KLHL4: variants seen among roughly 807,000 people sequenced by gnomAD.
KLHL4 encodes the protein kelch-like protein 4.
Under a neutral mutation model 45.8 loss-of-function variants are expected in KLHL4, and 17 were observed. The ratio of observed to expected loss-of-function variants is 0.37; its 90% CI spans 0.25 to 0.56. The LOEUF is 0.56. Ranked by LOEUF, KLHL4 falls within the 20% of genes least tolerant of loss-of-function variation. The pLI is 0.79. For synonymous variants in KLHL4, 224 were observed against 189.9 expected, an observed-to-expected ratio of 1.18 and a Z score of -1.47; for missense variants, 544 against 544.9, an observed-to-expected ratio of 1.00 and a Z score of 0.02.
chrX:87,581,081 A>G (rs966093431), intron 1 of KLHL4, among the ~76,000 whole-genome samples: 3 of 112,433 alleles, frequency 2.7e-5, no homozygotes, highest in Non-Finnish European at 5.6e-5. Context: ...TCAGCATGAC[A>G]TGGCTATTTT....
chrX:87,530,356 G>C (rs1000182090), intron 1 of KLHL4, among the ~76,000 whole-genome samples: 8 of 105,403 alleles, frequency 7.6e-5, no homozygotes, highest in African/African-American at 2.1e-4. Flanking sequence ...TACCATGCTG[G>C]TGTGCTGCAC....
At chrX:87,628,147 A>G (rs1383897974) in intron 6 of KLHL4, among the ~76,000 whole-genome samples, 2 of 111,897 alleles carry the variant, frequency 1.8e-5, no homozygotes, top group African/African-American at 3.2e-5. Flanking sequence ...AATCTTTGGC[A>G]TTTTGCAAAC....
intron 9 of KLHL4, among the ~76,000 whole-genome samples, chrX:87,640,567 T>A (rs1923420217): frequency 8.9e-6 from 1 of 111,902 alleles, no homozygotes; most frequent in African/African-American, 3.2e-5. Context: ...ATATGCCTCA[T>A]AAAAATATTT....
In KLHL4 at chrX:87,623,288, C is replaced by CT. The variant is rs67869297; in HGVS notation, c.1137+889dup. ...ATCTGTTGATGATTTTTCCTTTTTT[C>CT]TTTTTTTTTTTTTTTTTTTTTTTTG... On this transcript the variant is annotated intron_variant, in intron 5 of 10. Transcript: ENST00000373119. Among the ~76,000 whole-genome samples, 497 of 50,121 alleles carry CT rather than the reference C, an allele frequency of 9.9e-3. 13 individuals are homozygous for CT. The highest frequency in any genetic ancestry group is 0.014 in the East Asian group (19 of 1,317). The allele number at this position is 50,121 out of a possible 115,157, so 43.5% of individuals were successfully genotyped here. A position where few individuals can be genotyped will look rare whatever the true frequency, so the allele number is the denominator to read the frequency against.
intron 1 of KLHL4, among the ~76,000 whole-genome samples, chrX:87,543,928 A>G (rs746271166): frequency 2.7e-5 from 3 of 111,079 alleles, no homozygotes; most frequent in Non-Finnish European, 5.7e-5. Flanking sequence ...CTCGGGTACT[A>G]CCTCTATGGT....
chrX:87,609,629 T>A (rs1267439259), intron 1 of KLHL4, among the ~76,000 whole-genome samples: 1 of 111,719 alleles, frequency 9.0e-6, no homozygotes, highest in Non-Finnish European at 1.9e-5. Flanking sequence ...TCTTGTAAAT[T>A]TGTTTGAGTT....
At chrX:87,592,046 T>C (rs1390545333) in intron 1 of KLHL4, among the ~76,000 whole-genome samples, 2 of 108,109 alleles carry the variant, frequency 1.8e-5, no homozygotes, top group East Asian at 5.9e-4. Flanking sequence ...ATCATTCTCC[T>C]CTCTACCTTC....
At chrX:87,572,407 GCT>G (rs1398612548) in intron 1 of KLHL4, among the ~76,000 whole-genome samples, 2 of 110,356 alleles carry the variant, frequency 1.8e-5, no homozygotes, top group Non-Finnish European at 3.8e-5. Flanking sequence ...TCTGAAAAGA[GCT>G]CTCTCTCTCT....
chrX:87,554,325 C>T (rs1240999897), intron 1 of KLHL4, among the ~76,000 whole-genome samples: 20 of 92,491 alleles, frequency 2.2e-4, no homozygotes, highest in Non-Finnish European at 2.7e-4. Flanking sequence ...GCCATTTTCA[C>T]GATATTGATT....
chrX:87,560,549 T>A (rs1229770999), intron 1 of KLHL4, among the ~76,000 whole-genome samples: 1 of 111,444 alleles, frequency 9.0e-6, no homozygotes, highest in Admixed American at 9.6e-5. Context: ...GTATAGCAGA[T>A]CTCCGTAACT....
rs187965696 is a variant in KLHL4 at position 87,649,274 on chromosome X, A to C, written c.1925+13499A>C. ...ATTCTAGTTACCTCATAAAAGTGGAATCATAAATAGTTATTATTTTATGAT... is the reference window on the plus strand; with the variant it reads ...ATTCTAGTTACCTCATAAAAGTGGACTCATAAATAGTTATTATTTTATGAT... On this transcript the variant is annotated intron_variant, in intron 9 of 10. Transcript: ENST00000373119. 2.6e-3 allele frequency among the ~76,000 whole-genome samples: 289 copies of C among 111,844 alleles called. 1 individual carries two copies. Among genetic ancestry groups the C allele is most frequent in the African/African-American group, 9.0e-3 (277 of 30,898 alleles).
chrX:87,579,792 G>T (rs1159901959), intron 1 of KLHL4, among the ~76,000 whole-genome samples: 1 of 112,023 alleles, frequency 8.9e-6, no homozygotes, highest in Non-Finnish European at 1.9e-5. Context: ...ACAACTGAAA[G>T]AGTTCATCAC....
At chrX:87,598,657 T>C (rs1921915473) in intron 1 of KLHL4, among the ~76,000 whole-genome samples, 1 of 111,736 alleles carries the variant, frequency 8.9e-6, no homozygotes, top group South Asian at 3.6e-4. Flanking sequence ...ATAAAATCTC[T>C]AGGCATATTG....
chrX:87,541,112 G>A (rs1931541037), intron 1 of KLHL4, among the ~76,000 whole-genome samples: 1 of 110,193 alleles, frequency 9.1e-6, no homozygotes, highest in African/African-American at 3.3e-5. Context: ...CTTGGTGGGA[G>A]GTGATTGGAT....
At chrX:87,659,683 T>C (rs932131969) in intron 9 of KLHL4, among the ~76,000 whole-genome samples, 1 of 112,129 alleles carries the variant, frequency 8.9e-6, no homozygotes, top group Non-Finnish European at 1.9e-5. Context: ...TTTATATTTC[T>C]ACAGGAAGAT....
chrX:87,635,495 T>C, intron 8 of KLHL4, 68 bp from the exon 9 acceptor site: 1 of 818,452 alleles, frequency 1.2e-6, no homozygotes, highest in South Asian at 2.5e-5. Flanking sequence ...TCTCATTCTA[T>C]GCATGCATTT....
At chrX:87,549,752 C>G (rs987020286) in intron 1 of KLHL4, among the ~76,000 whole-genome samples, 1 of 110,858 alleles carries the variant, frequency 9.0e-6, no homozygotes, top group Non-Finnish European at 1.9e-5. Flanking sequence ...ATACTAAAAC[C>G]TCTGGGATAC....
chrX:87,644,971 C>G (rs1284321606), intron 9 of KLHL4, among the ~76,000 whole-genome samples: 1 of 111,612 alleles, frequency 9.0e-6, no homozygotes, highest in Non-Finnish European at 1.9e-5. Flanking sequence ...TGGAAAAACC[C>G]TTCTAGACAT....
intron 1 of KLHL4, among the ~76,000 whole-genome samples, chrX:87,605,643 T>A (rs1242631614): frequency 9.0e-6 from 1 of 110,927 alleles, no homozygotes. Context: ...GTCTTTAGAG[T>A]TTTCTATATA....
Sources: allele counts gnomAD v4.1 joint callset (sites outside exome capture counted in the v4.1 genomes callset), GRCh38; gene constraint gnomAD v4.1.1; transcripts MANE v1.5; gene names NCBI Gene and HGNC (gene_info 2026-07-23, HGNC 2026-07-21).